Variants in SF3A3 observed in about 807,000 individuals in gnomAD.
SF3A3 encodes SAP 61.
In SF3A3, 9 loss-of-function variants were observed where a neutral mutation model predicts 85.8. That is an observed-to-expected ratio of 0.10 (90% CI 0.06 to 0.18). The LOEUF (loss-of-function observed/expected upper bound fraction) is 0.18. Among genes scored for constraint, SF3A3 ranks in the 10% least tolerant of loss-of-function variants. SF3A3 has a pLI of 1.00. For synonymous variants in SF3A3, 195 were observed against 204.4 expected (o/e 0.95, Z 0.39); for missense variants, 306 against 593.3 (o/e 0.52, Z 5.03).
intron 12 of SF3A3, among the ~76,000 whole-genome samples, chr1:37,972,303 T>C (rs989094007): frequency 1.8e-4 from 27 of 152,198 alleles, no homozygotes; most frequent in African/African-American, 5.8e-4. Flanking sequence ...TTACAAGGGA[T>C]GTGAAGGACC....
chr1:37,963,991 C>G (rs988488897), intron 15 of SF3A3, among the ~76,000 whole-genome samples: 1 of 150,820 alleles, frequency 6.6e-6, no homozygotes, highest in African/African-American at 2.4e-5. Context: ...CCATCTTGGC[C>G]AGCATGGTGA....
chr1:37,966,633 T>C (rs1221193146), intron 15 of SF3A3, among the ~76,000 whole-genome samples: 2 of 152,056 alleles, frequency 1.3e-5, no homozygotes, highest in African/African-American at 4.8e-5. Flanking sequence ...ACTAATTCAT[T>C]TCTCTTAAAA....
chr1:37,969,266 T>C, intron 14 of SF3A3, 88 bp downstream of exon 14: 1 of 914,804 alleles, frequency 1.1e-6, no homozygotes, highest in South Asian at 1.4e-5. Flanking sequence ...TGGACACCAG[T>C]GGTCCACATA....
chr1:37,989,470 C>A, intron 2 of SF3A3, 78 bp downstream of exon 2: 1 of 1,509,660 alleles, frequency 6.6e-7, no homozygotes, highest in South Asian at 1.2e-5. Flanking sequence ...GGGACTCATG[C>A]TGAGACACCG....
chr1:37,970,840 G>A (rs1404020940), intron 12 of SF3A3, among the ~76,000 whole-genome samples: 1 of 152,136 alleles, frequency 6.6e-6, no homozygotes, highest in East Asian at 1.9e-4. Flanking sequence ...CAGAATCTCT[G>A]GGACGCATTT....
At chr1:37,962,475 T>C (rs886555949) in intron 15 of SF3A3, among the ~76,000 whole-genome samples, 2 of 151,294 alleles carry the variant, frequency 1.3e-5, no homozygotes, top group African/African-American at 2.4e-5. Flanking sequence ...TGGTGGTGCA[T>C]GCCTGTAATC....
Position 37,980,380 on chromosome 1 carries a change from C to T in SF3A3, c.690+206G>A, listed in dbSNP as rs577676657. ...CGGAGGTTGAGGTGAGCCGAGATCC[C>T]GCCATTGTACTCCAGCCTGGGCAAC... On this transcript the variant is annotated intron_variant, in intron 8 of 16. Coordinates refer to ENST00000373019, the MANE Select transcript of SF3A3 (RefSeq NM_006802.4). Among the ~76,000 whole-genome samples, 40 of 151,764 alleles carry T rather than the reference C, an allele frequency of 2.6e-4. 1 individual carries two copies. The South Asian group carries it at 6.9e-3, about 26-fold the overall frequency.
chr1:37,960,057 A>T, intron 16 of SF3A3, 63 bp downstream of exon 16: 1 of 1,336,180 alleles, frequency 7.5e-7, no homozygotes, highest in Non-Finnish European at 1.1e-6. Context: ...CCTCCTTTCT[A>T]CATGGTGAGG....
At chr1:37,959,919 C>T (rs1435585077) in intron 16 of SF3A3, among the ~76,000 whole-genome samples, 1 of 147,832 alleles carries the variant, frequency 6.8e-6, no homozygotes, top group Non-Finnish European at 1.5e-5. Flanking sequence ...CATTGCACCA[C>T]TGCACTCCAG....
chr1:37,967,648 A>T (rs1424601323), intron 15 of SF3A3, among the ~76,000 whole-genome samples: 1 of 117,548 alleles, frequency 8.5e-6, no homozygotes, highest in African/African-American at 3.3e-5. Flanking sequence ...ACTGCACTCC[A>T]ACCTGGGCGA....
intron 7 of SF3A3, 117 bp from the exon 8 acceptor site, chr1:37,980,841 C>CTTTTTTTTTTT (rs760972269): frequency 1.1e-5 from 1 of 92,318 alleles, no homozygotes; most frequent in Non-Finnish European, 1.7e-5. Context: ...TTTTAATACT[C>CTTTTTTTTTTT]TTTTTTTTTT....
At chr1:37,973,872 A>C (rs1320838899) in intron 12 of SF3A3, among the ~76,000 whole-genome samples, 6 of 152,240 alleles carry the variant, frequency 3.9e-5, no homozygotes, top group Non-Finnish European at 8.8e-5. Flanking sequence ...AAAATGTTGC[A>C]CATATACACC....
At chr1:37,988,171 T>C (rs1349918766) in intron 2 of SF3A3, among the ~76,000 whole-genome samples, 1 of 152,182 alleles carries the variant, frequency 6.6e-6, no homozygotes, top group Non-Finnish European at 1.5e-5. Flanking sequence ...GGCCAAACAC[T>C]AGTTCCCACC....
intron 12 of SF3A3, among the ~76,000 whole-genome samples, 199 bp from the exon 13 acceptor site, chr1:37,969,934 G>T (rs914401426): frequency 6.6e-6 from 1 of 152,128 alleles, no homozygotes; most frequent in African/African-American, 2.4e-5. Flanking sequence ...AGAGTCAAAG[G>T]TTTTACATCA....
At position 37,971,464 on chromosome 1, in the gene SF3A3, C is replaced by A. The variant is rs534763293; in HGVS notation, c.1006-1729G>T. ...TGGTACCATTCCTTCTGAAACTATT[C>A]TAATCAATAGGAAAAGAGGGAATCC... On this transcript the variant is annotated intron_variant, in intron 12 of 16. Coordinates refer to ENST00000373019, the MANE Select transcript of SF3A3 (RefSeq NM_006802.4). Among the ~76,000 whole-genome samples the A allele has an allele frequency of 2.0e-5, 3 of 152,274 alleles. No homozygotes were observed. The South Asian group carries it at 6.2e-4, about 32-fold the overall frequency.
At chr1:37,965,708 G>A (rs1345134709) in intron 15 of SF3A3, among the ~76,000 whole-genome samples, 2 of 151,202 alleles carry the variant, frequency 1.3e-5, no homozygotes, top group East Asian at 2.0e-4. Flanking sequence ...GAGCTGTGAT[G>A]GCACAACTGC....
intron 9 of SF3A3, 166 bp from the exon 10 acceptor site, chr1:37,979,221 T>C (rs532156310): frequency 7.4e-5 from 48 of 645,204 alleles, no homozygotes; most frequent in Non-Finnish European, 1.9e-5. Flanking sequence ...TATAGTTATC[T>C]TCAGACTTAA....
rs35889548 is a variant in SF3A3 at position 37,957,407 on chromosome 1, TGG to T, written c.*777_*778del. The T allele has an allele frequency of 2.4e-5, 3 of 127,100 alleles. No homozygotes were observed. The highest frequency in any genetic ancestry group is 4.9e-5 in the Non-Finnish European group (3 of 61,362). 7.9% of individuals were successfully genotyped at this position (127,100 alleles called of 1,614,324 possible). On this transcript the variant is annotated 3_prime_UTR_variant, in exon 17 of 17. Transcript: ENST00000373019. Reference sequence around the variant, plus strand: ...CCCCCCCCTTTTTTTTTTTTTGAGATGGGGCCTCACTATATCGCCCAGGCTGG... The same window carrying T: ...CCCCCCCCTTTTTTTTTTTTTGAGATGGCCTCACTATATCGCCCAGGCTGG...
chr1:37,967,338 G>A (rs567368891), intron 15 of SF3A3, among the ~76,000 whole-genome samples: 23 of 150,950 alleles, frequency 1.5e-4, no homozygotes, highest in African/African-American at 5.6e-4. Context: ...GAGGTCGGGA[G>A]TTCAAGGCCA....
Sources: gnomAD v4.1 joint callset for allele counts (sites outside exome capture counted in the v4.1 genomes callset) on GRCh38, gnomAD v4.1.1 for gene constraint, MANE v1.5 for transcripts, NCBI Gene and HGNC (gene_info 2026-07-23, HGNC 2026-07-21) for gene names.